CELF2: variants seen among roughly 807,000 people sequenced by gnomAD.
CELF2 encodes CUGBP Elav-like family member 2.
Under a neutral mutation model 62.6 loss-of-function variants are expected in CELF2, and 8 were observed. The observed-to-expected ratio is 0.13, with a 90% CI of 0.07 to 0.23. The LOEUF is 0.23. CELF2 is among the 10% of genes least tolerant of loss of function. The pLI is 1.00. For synonymous variants in CELF2, 258 were observed against 250.0 expected (o/e 1.03, Z -0.30); for missense variants, 333 against 671.0 (o/e 0.50, Z 5.56).
intron 5 of CELF2, among the ~76,000 whole-genome samples, chr10:11,266,042 A>C (rs1475439609): frequency 6.6e-6 from 1 of 152,234 alleles, no homozygotes; most frequent in Non-Finnish European, 1.5e-5. Flanking sequence ...GCAACAATTT[A>C]TGTTTATACA....
chr10:10,873,820 C>G (rs561295904), intron 1 of CELF2, among the ~76,000 whole-genome samples: 1 of 152,214 alleles, frequency 6.6e-6, no homozygotes, highest in Non-Finnish European at 1.5e-5. Context: ...GTTTCCAGAC[C>G]TTCACCCCTT....
the CELF2 span, among the ~76,000 whole-genome samples, chr10:10,477,750 C>T: frequency 6.8e-6 from 1 of 147,216 alleles, no homozygotes; most frequent in Non-Finnish European, 1.5e-5. Context: ...GAGATAAAAA[C>T]TATATGTGGC....
At chr10:10,674,030 A>G in the CELF2 span, among the ~76,000 whole-genome samples, 4 of 152,222 alleles carry the variant, frequency 2.6e-5, no homozygotes, top group African/African-American at 9.6e-5. Flanking sequence ...ATAGATGTCC[A>G]TTATATCCAG....
chr10:11,206,883 G>A (rs1201623695), intron 2 of CELF2, among the ~76,000 whole-genome samples: 1 of 152,220 alleles, frequency 6.6e-6, no homozygotes, highest in Non-Finnish European at 1.5e-5. Context: ...TGGGGGCCTG[G>A]ACAAATGCAC....
chr10:11,135,299 C>A (rs115206924), intron 1 of CELF2, among the ~76,000 whole-genome samples: 5,994 of 152,290 alleles, frequency 0.039, 144 homozygotes, highest in Middle Eastern at 0.048. Flanking sequence ...CTATATTAAC[C>A]TGCACACCTC....
At chr10:10,829,286 A>G (rs1253251958) in intron 1 of CELF2, among the ~76,000 whole-genome samples, 1 of 152,236 alleles carries the variant, frequency 6.6e-6, no homozygotes, top group African/African-American at 2.4e-5. Flanking sequence ...AAACAGTCAC[A>G]ATTATTCATA....
intron 1 of CELF2, among the ~76,000 whole-genome samples, chr10:10,820,227 C>T (rs888684125): frequency 2.0e-4 from 31 of 152,262 alleles, no homozygotes; most frequent in African/African-American, 4.8e-4. Flanking sequence ...TTCTCAGTTT[C>T]GGGTACGTCT....
Position 11,039,998 on chromosome 10 carries a change from T to A in CELF2, c.74+21835T>A, listed in dbSNP as rs1276544467. On this transcript the variant is annotated intron_variant, in intron 1 of 12. Coordinates refer to ENST00000633077, the MANE Select transcript of CELF2 (RefSeq NM_001326342.2). This position sits in a 1 kb window ranked among gnomAD's most constrained non-coding sequence, Gnocchi z 4.1. The stretch of plus-strand genomic sequence containing the variant: ...TTTATGTGGACCATGACAAATTGAT[T>A]TTTTAATTGAGACTTCCTATTTTCA... Among the ~76,000 whole-genome samples, 1 of 152,216 alleles carries A rather than the reference T, an allele frequency of 6.6e-6. No individual in the cohort carries two copies. The highest frequency in any genetic ancestry group is 2.4e-5 in the African/African-American group (1 of 41,464).
chr10:10,555,659 G>A, the CELF2 span, among the ~76,000 whole-genome samples: 6 of 152,282 alleles, frequency 3.9e-5, no homozygotes, highest in South Asian at 1.2e-3. Context: ...TGCATACCCT[G>A]TACCATTTAG....
the CELF2 span, among the ~76,000 whole-genome samples, chr10:10,774,785 C>T: frequency 2.6e-5 from 4 of 152,166 alleles, no homozygotes; most frequent in African/African-American, 4.8e-5. Context: ...AAGGGACCAG[C>T]GGGTTTAGGG....
chr10:10,732,668 C>G, the CELF2 span, among the ~76,000 whole-genome samples: 1 of 152,044 alleles, frequency 6.6e-6, no homozygotes. Context: ...GGATTACAGG[C>G]ACCCACCACC....
chr10:10,812,442 A>G (rs1320345368), intron 1 of CELF2, among the ~76,000 whole-genome samples: 4 of 151,918 alleles, frequency 2.6e-5, no homozygotes, highest in Non-Finnish European at 5.9e-5. Flanking sequence ...TATCACCACC[A>G]CTCTCGACTT....
chr10:10,736,454 T>A, the CELF2 span, among the ~76,000 whole-genome samples: 1 of 150,590 alleles, frequency 6.6e-6, no homozygotes, highest in African/African-American at 2.4e-5. Context: ...CAGAGAGGTA[T>A]CACATATGTC....
At chr10:10,509,176 G>A in the CELF2 span, among the ~76,000 whole-genome samples, 1 of 152,096 alleles carries the variant, frequency 6.6e-6, no homozygotes, top group Non-Finnish European at 1.5e-5. Flanking sequence ...TTCAGGTACT[G>A]GAAGGATCAT....
Position 11,237,364 on chromosome 10 carries a change from A to G in CELF2, c.355-11789A>G, listed in dbSNP as rs1431360023. On this transcript the variant is annotated intron_variant, in intron 3 of 12. Coordinates refer to ENST00000633077, the MANE Select transcript of CELF2 (RefSeq NM_001326342.2). This position sits in a 1 kb window ranked among gnomAD's most constrained non-coding sequence, Gnocchi z 4.0. ...GCCGTGGTCTCTGTCCAGCTTCTCA[A>G]GTTCTCTGTGGGGTACCCAGATTCA... Among the ~76,000 whole-genome samples the G allele has an allele frequency of 6.6e-6, 1 of 152,174 alleles. No individual in the cohort carries two copies. Among genetic ancestry groups the G allele is most frequent in the East Asian group, 1.9e-4 (1 of 5,198 alleles).
chr10:11,179,822 C>G (rs1216827017), intron 2 of CELF2, among the ~76,000 whole-genome samples: 1 of 152,150 alleles, frequency 6.6e-6, no homozygotes, highest in Non-Finnish European at 1.5e-5. Flanking sequence ...GAAGGAGGGT[C>G]AGAGTTGTCC....
chr10:10,879,660 T>C (rs1352646640), intron 1 of CELF2, among the ~76,000 whole-genome samples: 2 of 152,202 alleles, frequency 1.3e-5, no homozygotes, highest in African/African-American at 4.8e-5. Context: ...AGAAATCCTT[T>C]CTTCGGCCCA....
the CELF2 span, among the ~76,000 whole-genome samples, chr10:10,581,509 G>A: frequency 1.6e-4 from 24 of 152,044 alleles, no homozygotes; most frequent in African/African-American, 5.6e-4. Context: ...CAGGAAAGCT[G>A]ACACACCAAC....
the CELF2 span, among the ~76,000 whole-genome samples, chr10:10,745,125 A>G: frequency 1.1e-4 from 13 of 121,340 alleles, no homozygotes; most frequent in African/African-American, 3.7e-4. Flanking sequence ...AAAAAAAAAA[A>G]AACAAAACAA....
Sources: gnomAD v4.1 joint callset for allele counts (sites outside exome capture counted in the v4.1 genomes callset) on GRCh38, gnomAD v4.1.1 for gene constraint, Gnocchi (gnomAD v3.1) non-coding constraint, MANE v1.5 for transcripts, NCBI Gene and HGNC (gene_info 2026-07-23, HGNC 2026-07-21) for gene names.